The following TUNAR variants were observed in gnomAD, a reference collection of about 807,000 sequenced individuals.
TUNAR encodes protein TUNAR.
intron 2 of TUNAR, among the ~76,000 whole-genome samples, chr14:95,888,626 G>A (rs1293916833): frequency 6.6e-6 from 1 of 152,124 alleles, no homozygotes; most frequent in Non-Finnish European, 1.5e-5. Context: ...CGTGTGGCTG[G>A]GTAGCCATAC....
chr14:95,915,361 G>A (rs1478437040), intron 2 of TUNAR, among the ~76,000 whole-genome samples: 1 of 152,146 alleles, frequency 6.6e-6, no homozygotes, highest in Non-Finnish European at 1.5e-5. Flanking sequence ...GCATCCAGGC[G>A]GCAGCAGCTA....
In TUNAR at chr14:95,915,941, C is replaced by T. The variant is rs142408203; in HGVS notation, c.13-6840C>T. Reference sequence around the variant, plus strand: ...AGTGGCTCCCTTCCTGGTTACCATGCGGGGCTTCTTTTGGCATTCAGCACA... The same window carrying T: ...AGTGGCTCCCTTCCTGGTTACCATGTGGGGCTTCTTTTGGCATTCAGCACA... On this transcript the variant is annotated intron_variant, in intron 2 of 2. Coordinates refer to ENST00000678517, the Ensembl canonical transcript of TUNAR. 2.7e-3 allele frequency among the ~76,000 whole-genome samples: 413 copies of T among 152,314 alleles called. 2 individuals carry two copies. Among genetic ancestry groups the T allele is most frequent in the African/African-American group, 9.4e-3 (390 of 41,574 alleles).
exon 3 of TUNAR, chr14:95,923,065 G>T (rs1343185179): frequency 7.5e-6 from 3 of 398,160 alleles, no homozygotes; most frequent in Non-Finnish European, 1.3e-5. Context: ...AAGCAGGCTT[G>T]ACCCGCACAT....
chr14:95,876,564 G>C (rs1190914805), exon 1 of TUNAR: 1 of 152,620 alleles, frequency 6.6e-6, no homozygotes, highest in African/African-American at 2.4e-5. Flanking sequence ...GCTTGCGGCC[G>C]GGTGGGCGCC....
chr14:95,892,260 A>G (rs1889191623), intron 2 of TUNAR, among the ~76,000 whole-genome samples: 1 of 152,194 alleles, frequency 6.6e-6, no homozygotes. Context: ...GCTCAGGCCC[A>G]TGAGATGCTT....
chr14:95,917,036 ATATTT>A (rs1293070845), intron 2 of TUNAR, among the ~76,000 whole-genome samples: 1 of 152,042 alleles, frequency 6.6e-6, no homozygotes, highest in African/African-American at 2.4e-5. Context: ...ACTTTTGATG[ATATTT>A]TATTTTTTTG....
In TUNAR at chr14:95,919,005, G is replaced by T. The variant is rs1005484623; in HGVS notation, c.13-3776G>T. On this transcript the variant is annotated intron_variant, in intron 2 of 2. Transcript: ENST00000678517. ...TCAAAAGTCCTTCCTCCAAGGGCTT[G>T]CAGTCTTTCTAAGACGACGGATGAT... is the stretch of plus-strand genomic sequence containing the variant. Among the ~76,000 whole-genome samples the T allele has an allele frequency of 5.9e-5, 9 of 152,280 alleles. No homozygotes were observed. The East Asian group carries it at 1.5e-3, about 26-fold the overall frequency.
At chr14:95,891,631 C>T (rs990727116) in intron 2 of TUNAR, among the ~76,000 whole-genome samples, 3 of 152,212 alleles carry the variant, frequency 2.0e-5, no homozygotes, top group Admixed American at 6.5e-5. Context: ...ACTATACACT[C>T]GCTACACATG....
intron 2 of TUNAR, among the ~76,000 whole-genome samples, chr14:95,891,394 TC>T (rs1479708696): frequency 6.6e-6 from 1 of 152,152 alleles, no homozygotes; most frequent in African/African-American, 2.4e-5. Flanking sequence ...ATTTTCGCCC[TC>T]TCTCCACAAG....
chr14:95,897,354 CTTTTCAATCTTTAGATACA>C (rs1686175189), intron 2 of TUNAR, among the ~76,000 whole-genome samples: 2 of 152,200 alleles, frequency 1.3e-5, no homozygotes, highest in South Asian at 4.1e-4. Flanking sequence ...CTCTCTGTTA[CTTTTCAATCTTTAGATACA>C]TTTTTCTCCA....
At chr14:95,908,057 C>T (rs1031495875) in intron 2 of TUNAR, among the ~76,000 whole-genome samples, 20 of 152,316 alleles carry the variant, frequency 1.3e-4, no homozygotes, top group African/African-American at 3.4e-4. Flanking sequence ...CAGTCTGGCC[C>T]CCAGCCTTCA....
rs141801304 is a variant in TUNAR, at chr14:95,910,620, T to A, written c.13-12161T>A. The stretch of plus-strand genomic sequence containing the variant: ...TCAGACTAAATGCTTTACAGATATT[T>A]TATCTCTTCACTGGTTCTTTGGAAC... On this transcript the variant is annotated intron_variant, in intron 2 of 2. Coordinates refer to ENST00000678517, the Ensembl canonical transcript of TUNAR. 1.1e-3 allele frequency among the ~76,000 whole-genome samples: 171 copies of A among 152,354 alleles called. 2 individuals are homozygous for A. The highest frequency in any genetic ancestry group is 3.6e-3 in the African/African-American group (151 of 41,586).
At chr14:95,921,790 G>C (rs1889701503) in intron 2 of TUNAR, among the ~76,000 whole-genome samples, 1 of 152,174 alleles carries the variant, frequency 6.6e-6, no homozygotes, top group African/African-American at 2.4e-5. Context: ...AACAATAGAT[G>C]ACTTGGTTTT....
chr14:95,914,964 G>A (rs915598177), intron 2 of TUNAR, among the ~76,000 whole-genome samples: 1 of 152,210 alleles, frequency 6.6e-6, no homozygotes, highest in Non-Finnish European at 1.5e-5. Flanking sequence ...CTTTTGTTTA[G>A]TTCCTGGTTA....
intron 2 of TUNAR, among the ~76,000 whole-genome samples, chr14:95,902,175 C>T (rs1454033108): frequency 6.6e-6 from 1 of 152,094 alleles, no homozygotes; most frequent in Admixed American, 6.6e-5. Flanking sequence ...TCCAGTGTAG[C>T]ACCTTATAGC....
At chr14:95,898,576 TC>T (rs1385638649) in intron 2 of TUNAR, among the ~76,000 whole-genome samples, 4 of 152,330 alleles carry the variant, frequency 2.6e-5, no homozygotes, top group African/African-American at 9.6e-5. Flanking sequence ...GCCTTTTTGC[TC>T]TTTATTCGAG....
intron 2 of TUNAR, among the ~76,000 whole-genome samples, chr14:95,911,766 C>T (rs1889518797): frequency 6.6e-6 from 1 of 152,228 alleles, no homozygotes; most frequent in African/African-American, 2.4e-5. Context: ...TCCCTGTCTT[C>T]CTTTTCCGGA....
chr14:95,888,617 G>A (rs978864040), intron 2 of TUNAR, among the ~76,000 whole-genome samples: 3 of 152,132 alleles, frequency 2.0e-5, no homozygotes, highest in African/African-American at 4.8e-5. Context: ...TGGACGCTCC[G>A]TGTGGCTGGG....
intron 2 of TUNAR, among the ~76,000 whole-genome samples, chr14:95,912,021 AT>A (rs1189272284): frequency 6.6e-6 from 1 of 152,128 alleles, no homozygotes; most frequent in Non-Finnish European, 1.5e-5. Context: ...TGACATGAAG[AT>A]TTCTCCTTGC....
Sources: allele counts gnomAD v4.1 joint callset (sites outside exome capture counted in the v4.1 genomes callset), GRCh38; gene constraint gnomAD v4.1.1; transcripts MANE v1.5; gene names NCBI Gene and HGNC (gene_info 2026-07-23, HGNC 2026-07-21).